SHCBP1: variants seen among roughly 807,000 people sequenced by gnomAD.
SHCBP1 encodes SHC SH2 domain-binding protein 1.
A neutral mutation model predicts 75.1 loss-of-function variants in SHCBP1; 60 were observed. The observed-to-expected ratio is 0.80, with a 90% CI of 0.65 to 0.99. The LOEUF is 0.99. SHCBP1 is among the 50% of genes least tolerant of loss of function. The pLI, the probability that SHCBP1 is intolerant of heterozygous loss-of-function variation, is 0.00. For missense variants in SHCBP1, 709 were observed against 809.4 expected, an observed-to-expected ratio of 0.88 and a Z score of 1.50; for synonymous variants, 290 against 293.2, an observed-to-expected ratio of 0.99 and a Z score of 0.11.
intron 8 of SHCBP1, among the ~76,000 whole-genome samples, chr16:46,601,891 T>C (rs1965243168): frequency 6.6e-6 from 1 of 152,218 alleles, no homozygotes. Flanking sequence ...CTATTGTAAG[T>C]ACTATTGACA....
chr16:46,598,288 A>T (rs1178639163), intron 9 of SHCBP1, among the ~76,000 whole-genome samples: 1 of 152,184 alleles, frequency 6.6e-6, no homozygotes, highest in African/African-American at 2.4e-5. Flanking sequence ...GTATAGCCTT[A>T]GGAAGTGTAT....
chr16:46,615,336 T>G (rs534118122), intron 4 of SHCBP1, among the ~76,000 whole-genome samples: 4 of 152,190 alleles, frequency 2.6e-5, no homozygotes, highest in Non-Finnish European at 5.9e-5. Context: ...TTTTTGACTA[T>G]GTAGGGGTGG....
rs1259128797 is a variant in SHCBP1 at position 46,581,252 on chromosome 16, CATA to C, written c.*474_*476del. ...CTGATTAGGCAGATAAATTCCCAAT[CATA>C]AAAGCTTTTATTTTAAGACAAGTAT... On this transcript the variant is annotated 3_prime_UTR_variant, in exon 13 of 13. Coordinates refer to ENST00000303383, the MANE Select transcript of SHCBP1 (RefSeq NM_024745.5). 6.5e-6 allele frequency: 1 copy of C among 154,170 alleles called. No individual in the cohort carries two copies. The highest frequency in any genetic ancestry group is 1.4e-5 in the Non-Finnish European group (1 of 69,116). 9.6% of individuals were successfully genotyped at this position (154,170 alleles called of 1,614,324 possible).
In SHCBP1 at chr16:46,595,549, T is replaced by C. The variant is rs1965122474; in HGVS notation, c.1464+3A>G. On this transcript the variant is annotated splice_donor_region_variant and intron_variant, in intron 10 of 12. Coordinates refer to ENST00000303383, the MANE Select transcript of SHCBP1 (RefSeq NM_024745.5). ...ACTTCCCCAAGAGGACAAGAGCTTC[T>C]ACCTTGGCGCCATATAAATCCGAGT... 2.5e-6 allele frequency: 4 copies of C among 1,610,792 alleles called. No individual in the cohort carries two copies. Among genetic ancestry groups the C allele is most frequent in the Middle Eastern group, 1.7e-4 (1 of 6,050 alleles).
chr16:46,593,000 C>T (rs890139716), intron 10 of SHCBP1, among the ~76,000 whole-genome samples: 17 of 68,820 alleles, frequency 2.5e-4, no homozygotes, highest in African/African-American at 8.1e-4. Context: ...AACTTAATAA[C>T]GAATATCTAA....
Position 46,581,843 on chromosome 16 carries a change from T to C in SHCBP1, c.1905A>G (p.Glu635=). The change falls in exon 13 of 13, where the codon GAA becomes GAG. Residue 635 remains glutamate (E), a synonymous_variant. Coordinates refer to ENST00000303383, the MANE Select transcript of SHCBP1 (RefSeq NM_024745.5). ...TGTCATCAGCTTGCGTGATCCCCAG[T>C]TCACTCAACCTTTTCTTCTTTATCT... ...KGQIKKKRLS[E]LGITQADDNL... The C allele has an allele frequency of 6.2e-7, 1 of 1,614,200 alleles. No individual in the cohort carries two copies. The highest frequency in any genetic ancestry group is 8.5e-7 in the Non-Finnish European group (1 of 1,180,034).
At chr16:46,589,479 C>G (rs1431943116) in intron 10 of SHCBP1, among the ~76,000 whole-genome samples, 1 of 152,228 alleles carries the variant, frequency 6.6e-6, no homozygotes, top group Non-Finnish European at 1.5e-5. Flanking sequence ...AGCAAAGTCT[C>G]AGGATACAAA....
rs1964865882 is a variant in SHCBP1 at position 46,581,253 on chromosome 16, A to G, written c.*476T>C. The G allele has an allele frequency of 6.5e-6, 1 of 154,266 alleles. No individual in the cohort carries two copies. Among genetic ancestry groups the G allele is most frequent in the Admixed American group, 6.5e-5 (1 of 15,472 alleles). The allele number at this position is 154,266 out of a possible 1,614,324, so 9.6% of individuals were successfully genotyped here. A position where few individuals can be genotyped will look rare whatever the true frequency, so the allele number is the denominator to read the frequency against. ...TGATTAGGCAGATAAATTCCCAATC[A>G]TAAAAGCTTTTATTTTAAGACAAGT... On this transcript the variant is annotated 3_prime_UTR_variant, in exon 13 of 13. Transcript: ENST00000303383.
At chr16:46,595,856 C>G (rs1466800747) in intron 9 of SHCBP1, among the ~76,000 whole-genome samples, 186 bp from the exon 10 acceptor site, 3 of 151,982 alleles carry the variant, frequency 2.0e-5, no homozygotes, top group Non-Finnish European at 2.9e-5. Context: ...TTTCTACAAT[C>G]TAAAAGCAAC....
Position 46,604,468 on chromosome 16 carries a change from G to A in SHCBP1, c.690-7C>T. The A allele has an allele frequency of 6.3e-7, 1 of 1,591,284 alleles. No individual in the cohort carries two copies. On this transcript the variant is annotated splice_polypyrimidine_tract_variant and splice_region_variant and intron_variant, in intron 5 of 12. Coordinates refer to ENST00000303383, the MANE Select transcript of SHCBP1 (RefSeq NM_024745.5). ...TTCAAGAATGTCATAATGCCTGAAA[G>A]TTTAAAAGCAAAGTGAAATCCACTG...
At chr16:46,602,460 T>C (rs892929317) in intron 8 of SHCBP1, among the ~76,000 whole-genome samples, 2 of 152,178 alleles carry the variant, frequency 1.3e-5, no homozygotes, top group African/African-American at 4.8e-5. Context: ...CAAAATGATA[T>C]ATGATTTTTT....
intron 5 of SHCBP1, among the ~76,000 whole-genome samples, chr16:46,606,806 T>C (rs915750285): frequency 6.6e-6 from 1 of 152,104 alleles, no homozygotes; most frequent in African/African-American, 2.4e-5. Context: ...GGTAGAACTA[T>C]TAATCAGACT....
At chr16:46,608,744 C>T (rs892954541) in intron 4 of SHCBP1, among the ~76,000 whole-genome samples, 2 of 151,604 alleles carry the variant, frequency 1.3e-5, no homozygotes, top group African/African-American at 2.4e-5. Flanking sequence ...GCTGAGATGG[C>T]ACCCACCACC....
In SHCBP1 at chr16:46,585,328, G is replaced by A. The variant is rs147285556; in HGVS notation, c.1465-1239C>T. 6.9e-4 allele frequency among the ~76,000 whole-genome samples: 105 copies of A among 152,082 alleles called. No individual in the cohort carries two copies. The East Asian group carries it at 0.017, about 24-fold the overall frequency. ...TGTCCCTATTCCTCCTGCTAGGTAC[G>A]ACCAAAAACCATGGGCATTATATAT... On this transcript the variant is annotated intron_variant, in intron 10 of 12. Transcript: ENST00000303383.
chr16:46,588,872 AAG>A (rs1301507646), intron 10 of SHCBP1, among the ~76,000 whole-genome samples: 1 of 152,194 alleles, frequency 6.6e-6, no homozygotes, highest in African/African-American at 2.4e-5. Context: ...ACAACAAAAA[AAG>A]AGAATTTAGA....
chr16:46,583,694 T>C, intron 11 of SHCBP1, 37 bp from the exon 12 acceptor site: 1 of 1,578,560 alleles, frequency 6.3e-7, no homozygotes, highest in Non-Finnish European at 8.5e-7. Context: ...GGAACTGTCA[T>C]ATTCAACATT....
chr16:46,588,790 G>C (rs183935450), intron 10 of SHCBP1, among the ~76,000 whole-genome samples: 2 of 152,260 alleles, frequency 1.3e-5, no homozygotes, highest in African/African-American at 2.4e-5. Context: ...CCAATCAATA[G>C]AAAAAGAGGG....
Position 46,584,515 on chromosome 16 carries a change from G to A in SHCBP1, c.1465-426C>T, listed in dbSNP as rs147080246. On this transcript the variant is annotated intron_variant, in intron 10 of 12. Coordinates refer to ENST00000303383, the MANE Select transcript of SHCBP1 (RefSeq NM_024745.5). ...AAGTATTTGAATTTAGTAAAATATT[G>A]TAATTTGAGGATAGAAACAAGACCC... Among the ~76,000 whole-genome samples the A allele has an allele frequency of 8.9e-4, 135 of 152,138 alleles. 1 individual carries two copies. The East Asian group carries it at 0.025, about 28-fold the overall frequency.
intron 8 of SHCBP1, among the ~76,000 whole-genome samples, chr16:46,600,792 C>T (rs989415448): frequency 6.6e-6 from 1 of 152,160 alleles, no homozygotes; most frequent in African/African-American, 2.4e-5. Flanking sequence ...GCAGGTGGAT[C>T]ACTTGAGGTC....
Sources: allele counts gnomAD v4.1 joint callset (sites outside exome capture counted in the v4.1 genomes callset), GRCh38; gene constraint gnomAD v4.1.1; transcripts MANE v1.5; gene names NCBI Gene and HGNC (gene_info 2026-07-23, HGNC 2026-07-21).